KNL1: variants seen among roughly 807,000 people sequenced by gnomAD.
KNL1 encodes outer kinetochore KNL1 complex subunit KNL1.
Under a neutral mutation model 201.3 loss-of-function variants are expected in KNL1, and 66 were observed. The observed-to-expected ratio is 0.33, with a 90% CI of 0.27 to 0.40. The LOEUF (loss-of-function observed/expected upper bound fraction) is 0.40, where lower values mean the gene tolerates loss of function less well. KNL1 is among the 10% of genes least tolerant of loss of function. The pLI is 1.00. For missense variants in KNL1, 2,815 were observed against 2,690.5 expected, an observed-to-expected ratio of 1.05 and a Z score of -1.02; for synonymous variants, 895 against 899.2, an observed-to-expected ratio of 1.00 and a Z score of 0.08.
intron 17 of KNL1, among the ~76,000 whole-genome samples, chr15:40,649,618 AAAG>A (rs984743244): frequency 1.3e-5 from 2 of 149,930 alleles, no homozygotes; most frequent in Non-Finnish European, 3.0e-5. Flanking sequence ...AAAAAAAAAA[AAAG>A]AGAGGCAGAG....
intron 25 of KNL1, among the ~76,000 whole-genome samples, chr15:40,661,011 T>A (rs1376766876): frequency 6.6e-6 from 1 of 152,168 alleles, no homozygotes; most frequent in Non-Finnish European, 1.5e-5. Flanking sequence ...TCATTCCTCC[T>A]AGACTGTGAC....
At chr15:40,601,987 G>A (rs1002545262) in intron 1 of KNL1, among the ~76,000 whole-genome samples, 2 of 143,262 alleles carry the variant, frequency 1.4e-5, no homozygotes, top group Non-Finnish European at 1.5e-5. Context: ...GACTACAGGT[G>A]CACGCCGCCA....
In KNL1 at chr15:40,623,034, T is replaced by C. The variant is rs1892599347; in HGVS notation, c.2770T>C (p.Leu924=). 1 of 1,613,978 alleles carries C rather than the reference T, an allele frequency of 6.2e-7. No homozygotes were observed. Among genetic ancestry groups the C allele is most frequent in the East Asian group, 2.2e-5 (1 of 44,862 alleles). Residue 924 remains leucine (L), a synonymous_variant, in exon 10 of 26, where the codon TTA becomes CTA. Coordinates refer to ENST00000399668, the MANE Select transcript of KNL1 (RefSeq NM_144508.5). ...GATCACTAGAAGTCACACAACTGCCTTAGAATGTAAAACTGTCTCACCAGA... is the reference window on the plus strand; with the variant it reads ...GATCACTAGAAGTCACACAACTGCCCTAGAATGTAAAACTGTCTCACCAGA... ...MEITRSHTTA[L]ECKTVSPDEI...
chr15:40,630,978 C>T (rs562520757), intron 13 of KNL1, among the ~76,000 whole-genome samples: 1 of 151,964 alleles, frequency 6.6e-6, no homozygotes, highest in African/African-American at 2.4e-5. Context: ...ATTAGCTGGG[C>T]ATGGTGGCAC....
rs55838833 is a variant in KNL1, at chr15:40,599,793, CTTTTTTTT to C, written c.-17-3108_-17-3101del. ...CTGATATTAAACCGATTATGTATTC[CTTTTTTTT>C]TTTTTTTTTTTTTAAAGAGACGGGG... is the stretch of plus-strand genomic sequence containing the variant. On this transcript the variant is annotated intron_variant, in intron 1 of 25. Coordinates refer to ENST00000399668, the MANE Select transcript of KNL1 (RefSeq NM_144508.5). Among the ~76,000 whole-genome samples, 73 of 120,112 alleles carry C rather than the reference CTTTTTTTT, an allele frequency of 6.1e-4. 1 individual carries two copies. Among genetic ancestry groups the C allele is most frequent in the Admixed American group, 5.4e-4 (6 of 11,210 alleles). 78.8% of individuals were successfully genotyped at this position (120,112 alleles called of 152,430 possible).
intron 13 of KNL1, among the ~76,000 whole-genome samples, chr15:40,632,544 A>G (rs1334195890): frequency 1.3e-5 from 2 of 151,966 alleles, no homozygotes; most frequent in African/African-American, 2.4e-5. Flanking sequence ...AGAACTTGCA[A>G]GGAGCCAAGA....
At chr15:40,603,819 C>T (rs548211613) in intron 2 of KNL1, among the ~76,000 whole-genome samples, 1 of 152,310 alleles carries the variant, frequency 6.6e-6, no homozygotes, top group Non-Finnish European at 1.5e-5. Context: ...AGAGGCAGTT[C>T]TGCACTCATA....
intron 17 of KNL1, 92 bp from the exon 18 acceptor site, chr15:40,650,209 G>T: frequency 3.8e-6 from 3 of 793,374 alleles, no homozygotes; most frequent in South Asian, 1.9e-5. Context: ...TTAATAAATT[G>T]TTTTTGATTG....
intron 22 of KNL1, among the ~76,000 whole-genome samples, chr15:40,655,633 T>C (rs1218494578): frequency 7.1e-6 from 1 of 141,222 alleles, no homozygotes; most frequent in African/African-American, 2.6e-5. Flanking sequence ...AATTATTACA[T>C]GCCGGGCATG....
Position 40,622,797 on chromosome 15 carries a change from G to A in KNL1, c.2533G>A (p.Val845Ile). ...KPKFPKEKQNVKIWGRKSVGG... is the reference protein window; with the variant it reads ...KPKFPKEKQNIKIWGRKSVGG... The stretch of plus-strand genomic sequence containing the variant: ...TAAATTTCCAAAGGAAAAGCAAAAT[G>A]TCAAAATTTGGGGAAGGAAAAGTGT... Residue 845 changes from valine (V) to isoleucine (I), a missense_variant, in exon 10 of 26, where the codon GTC becomes ATC. Transcript: ENST00000399668. 3 of 1,612,702 alleles carry A rather than the reference G, an allele frequency of 1.9e-6. No individual in the cohort carries two copies. The highest frequency in any genetic ancestry group is 2.2e-5 in the East Asian group (1 of 44,862).
Position 40,642,128 on chromosome 15 carries a change from A to G in KNL1, c.5798+1101A>G, listed in dbSNP as rs932528898. On this transcript the variant is annotated intron_variant, in intron 14 of 25. Coordinates refer to ENST00000399668, the MANE Select transcript of KNL1 (RefSeq NM_144508.5). ...GAATTATGTAGTTTTGGCTGGGCGC[A>G]GTGGCTCACGCCTGTAATCCCAGCA... is the stretch of plus-strand genomic sequence containing the variant. Among the ~76,000 whole-genome samples the G allele has an allele frequency of 2.1e-4, 32 of 152,204 alleles. 1 individual carries two copies. Among genetic ancestry groups the G allele is most frequent in the African/African-American group, 7.5e-4 (31 of 41,464 alleles).
At position 40,628,181 on chromosome 15, in the gene KNL1, G is replaced by A. The variant is rs1487077522; in HGVS notation, c.5488G>A (p.Ala1830Thr). ...SCSSSLDSIKADGTSLDFSTY... is the reference protein window; with the variant it reads ...SCSSSLDSIKTDGTSLDFSTY... ...CAGCAGCTCTCTGGATTCAATCAAG[G>A]CTGATGGGACCTCTCTGGACTTCAG... is the stretch of plus-strand genomic sequence containing the variant. Residue 1830 changes from alanine (A) to threonine (T), a missense_variant, in exon 11 of 26, where the codon GCT (alanine) becomes ACT (threonine). Coordinates refer to ENST00000399668, the MANE Select transcript of KNL1 (RefSeq NM_144508.5). 3.1e-6 allele frequency: 5 copies of A among 1,610,716 alleles called. No individual in the cohort carries two copies. The highest frequency in any genetic ancestry group is 4.2e-6 in the Non-Finnish European group (5 of 1,178,948).
chr15:40,662,217 G>C lies in KNL1; in HGVS notation c.*29G>C. 8.1e-7 allele frequency: 1 copy of C among 1,231,964 alleles called. No individual in the cohort carries two copies. 76.3% of individuals were successfully genotyped at this position (1,231,964 alleles called of 1,614,324 possible). ...CTTGGACCACCATTGGAACAACCAA[G>C]CAGAATGTACTTGATATTATTTCAG... On this transcript the variant is annotated 3_prime_UTR_variant, in exon 26 of 26. Transcript: ENST00000399668.
At chr15:40,634,688 T>C (rs904541916) in intron 13 of KNL1, among the ~76,000 whole-genome samples, 1 of 152,116 alleles carries the variant, frequency 6.6e-6, no homozygotes, top group African/African-American at 2.4e-5. Flanking sequence ...TGATACTCTT[T>C]CTACTTTTCT....
At chr15:40,626,628 G>T (rs11852479) in intron 10 of KNL1, among the ~76,000 whole-genome samples, 38,501 of 152,020 alleles carry the variant, frequency 0.25, 5,982 homozygotes, top group Middle Eastern at 0.37. Flanking sequence ...TGCCCAGGCT[G>T]GAGTGCAGTG....
At chr15:40,646,961 G>T in intron 16 of KNL1, 26 bp from the exon 17 acceptor site, 2 of 945,878 alleles carry the variant, frequency 2.1e-6, no homozygotes, top group South Asian at 1.3e-5. Flanking sequence ...GGTTTAACTT[G>T]ACAGTCTATA....
rs1228954262 is a variant in KNL1 at position 40,623,786 on chromosome 15, T to TGAA, written c.3524_3525insAGA (p.Ile1174_Asp1175insGlu). 2 of 1,613,914 alleles carry TGAA rather than the reference T, an allele frequency of 1.2e-6. No individual in the cohort carries two copies. The highest frequency in any genetic ancestry group is 1.7e-6 in the Non-Finnish European group (2 of 1,179,912). ...TCACCGATTCCCATACTGTTTTCAT[T>TGAA]GACTGTCAAGCCACAGAGAAAATAC... On this transcript the variant is annotated inframe_insertion, in exon 10 of 26. Coordinates refer to ENST00000399668, the MANE Select transcript of KNL1 (RefSeq NM_144508.5).
intron 24 of KNL1, among the ~76,000 whole-genome samples, chr15:40,658,929 CAAAAAA>C (rs752685228): frequency 2.6e-5 from 2 of 76,516 alleles, no homozygotes; most frequent in South Asian, 4.5e-4. Context: ...GACTCCATCT[CAAAAAA>C]AAAAAAAGAA....
chr15:40,658,199 G>A (rs891726797), intron 24 of KNL1, among the ~76,000 whole-genome samples: 7 of 151,850 alleles, frequency 4.6e-5, no homozygotes. Flanking sequence ...CCAGGAGGCG[G>A]AGGTTGCAGT....
Sources: allele counts gnomAD v4.1 joint callset (sites outside exome capture counted in the v4.1 genomes callset), GRCh38; gene constraint gnomAD v4.1.1; transcripts MANE v1.5; gene names NCBI Gene and HGNC (gene_info 2026-07-23, HGNC 2026-07-21).